Variants in EPHA6 observed in about 807,000 individuals in gnomAD.
The protein encoded by EPHA6 is EPH receptor A6, also known as ephrin type-A receptor 6.
EPHA6 carries 50 observed loss-of-function variants against 112.0 expected under a neutral mutation model. The observed-to-expected ratio is 0.45, with a 90% CI of 0.36 to 0.56. The LOEUF is 0.56. EPHA6 is among the 20% of genes least tolerant of loss of function. The probability of loss-of-function intolerance (pLI) is 0.00; values close to 1 mark genes in which losing one functional copy is unlikely to be tolerated. For missense variants in EPHA6, 1,280 were observed against 1,417.4 expected (o/e 0.90, Z 1.56); for synonymous variants, 529 against 490.7 (o/e 1.08, Z -1.03).
At chr3:97,460,101 C>A (rs2090834876) in intron 7 of EPHA6, among the ~76,000 whole-genome samples, 2 of 152,172 alleles carry the variant, frequency 1.3e-5, no homozygotes, top group South Asian at 4.1e-4. Flanking sequence ...ACTGACATGC[C>A]ATGCAAAGGC....
intron 5 of EPHA6, among the ~76,000 whole-genome samples, chr3:97,245,086 A>G (rs1208663842): frequency 6.6e-6 from 1 of 152,100 alleles, no homozygotes; most frequent in Non-Finnish European, 1.5e-5. Flanking sequence ...ATGAACACAT[A>G]TATGAGAAAA....
At chr3:96,857,192 A>G (rs1374229688) in intron 1 of EPHA6, among the ~76,000 whole-genome samples, 1 of 152,180 alleles carries the variant, frequency 6.6e-6, no homozygotes, top group Non-Finnish European at 1.5e-5. Flanking sequence ...CCATTTGCCT[A>G]GATGTTAAAA....
chr3:96,947,014 A>T (rs1576134020), intron 2 of EPHA6, among the ~76,000 whole-genome samples: 2 of 148,936 alleles, frequency 1.3e-5, no homozygotes, highest in Non-Finnish European at 1.5e-5. Context: ...CCACTTTTTG[A>T]TGGGGCTGTT....
rs576853362 is a variant in EPHA6, at chr3:96,848,918, A to C, written c.386-17907A>C. ...AAAACATCGAGGTTCAGTCATACAA[A>C]ATTACAGTCATAGATGTAATTTGGC... On this transcript the variant is annotated intron_variant, in intron 1 of 17. Coordinates refer to ENST00000389672, the MANE Select transcript of EPHA6 (RefSeq NM_001080448.3). Among the ~76,000 whole-genome samples, 3 of 152,260 alleles carry C rather than the reference A, an allele frequency of 2.0e-5. No individual in the cohort carries two copies. The South Asian group carries it at 6.2e-4, about 32-fold the overall frequency.
At chr3:97,180,959 G>A (rs555390122) in intron 3 of EPHA6, among the ~76,000 whole-genome samples, 6 of 152,016 alleles carry the variant, frequency 3.9e-5, no homozygotes, top group South Asian at 4.2e-4. Flanking sequence ...GTTGTAGTCC[G>A]TATGGCTTAG....
intron 1 of EPHA6, among the ~76,000 whole-genome samples, chr3:96,831,381 G>A (rs1158893816): frequency 6.6e-6 from 1 of 151,984 alleles, no homozygotes; most frequent in African/African-American, 2.4e-5. Context: ...GGCTACTTTT[G>A]ATTTTCTTCC....
Position 97,750,296 on chromosome 3 carries a change from TG to T in EPHA6, c.*1597del, listed in dbSNP as rs1016494322. ...CTAAATTCATTTTTTGTCATAGTAG[TG>T]GTTTTTTTTTTTTAAATAAAGGACC... On this transcript the variant is annotated 3_prime_UTR_variant, in exon 18 of 18. Coordinates refer to ENST00000389672, the MANE Select transcript of EPHA6 (RefSeq NM_001080448.3). 2.4e-4 allele frequency among the ~76,000 whole-genome samples: 34 copies of T among 139,992 alleles called. No individual in the cohort carries two copies. Among genetic ancestry groups the T allele is most frequent in the African/African-American group, 7.6e-4 (30 of 39,560 alleles). 91.8% of individuals were successfully genotyped at this position (139,992 alleles called of 152,430 possible).
chr3:97,058,527 C>T (rs1207761735), intron 3 of EPHA6, among the ~76,000 whole-genome samples: 1 of 152,130 alleles, frequency 6.6e-6, no homozygotes, highest in African/African-American at 2.4e-5. Flanking sequence ...GTCTTCAACT[C>T]CTGACCTCAG....
At chr3:97,466,292 A>G in intron 7 of EPHA6, 1 of 1,397,734 alleles carries the variant, frequency 7.2e-7, no homozygotes, top group Non-Finnish European at 1.0e-6. Context: ...ATTCCCCTCA[A>G]GCAACATAAT....
At chr3:96,832,017 G>A (rs951707551) in intron 1 of EPHA6, among the ~76,000 whole-genome samples, 4 of 151,966 alleles carry the variant, frequency 2.6e-5, no homozygotes, top group Admixed American at 2.0e-4. Context: ...TCAAGCCCCT[G>A]CATCATAGAA....
At chr3:97,680,975 T>G (rs1473364380) in intron 14 of EPHA6, among the ~76,000 whole-genome samples, 3 of 152,024 alleles carry the variant, frequency 2.0e-5, no homozygotes, top group African/African-American at 4.8e-5. Context: ...TATACAAAAT[T>G]AACATCAGGG....
At chr3:97,741,765 G>T (rs191202999) in intron 16 of EPHA6, among the ~76,000 whole-genome samples, 1 of 152,182 alleles carries the variant, frequency 6.6e-6, no homozygotes, top group Admixed American at 6.5e-5. Context: ...TCTAAGAAAA[G>T]GGGGTACATT....
intron 12 of EPHA6, among the ~76,000 whole-genome samples, chr3:97,599,284 G>C (rs972126091): frequency 1.1e-4 from 16 of 150,520 alleles, no homozygotes; most frequent in African/African-American, 3.9e-4. Context: ...GATCCCATTT[G>C]TCAATTTTGT....
chr3:97,135,360 A>G (rs780337806), intron 3 of EPHA6, among the ~76,000 whole-genome samples: 2 of 152,150 alleles, frequency 1.3e-5, no homozygotes, highest in Admixed American at 6.6e-5. Context: ...TTGTATTTAA[A>G]CATAGCTCCT....
At chr3:97,740,824 G>A (rs2035471771) in intron 16 of EPHA6, among the ~76,000 whole-genome samples, 3 of 151,892 alleles carry the variant, frequency 2.0e-5, no homozygotes, top group South Asian at 2.1e-4. Flanking sequence ...ATGCCACATA[G>A]GCAATACATA....
At chr3:97,176,651 T>C (rs2076843270) in intron 3 of EPHA6, among the ~76,000 whole-genome samples, 3 of 151,950 alleles carry the variant, frequency 2.0e-5, no homozygotes, top group Admixed American at 6.6e-5. Context: ...AATTTGTTCA[T>C]TTCTTCCAGG....
intron 11 of EPHA6, among the ~76,000 whole-genome samples, chr3:97,574,764 T>C (rs2093366934): frequency 6.6e-6 from 1 of 151,822 alleles, no homozygotes; most frequent in Non-Finnish European, 1.5e-5. Context: ...TTAATGAAAA[T>C]AAGAAAATAT....
intron 3 of EPHA6, among the ~76,000 whole-genome samples, chr3:97,120,628 A>T (rs2048015853): frequency 1.3e-5 from 2 of 152,036 alleles, no homozygotes; most frequent in Admixed American, 1.3e-4. Flanking sequence ...ATATGTTTTT[A>T]AAAATTCCTA....
intron 3 of EPHA6, among the ~76,000 whole-genome samples, chr3:96,996,398 C>T (rs1167906407): frequency 3.3e-5 from 5 of 152,030 alleles, no homozygotes; most frequent in Non-Finnish European, 4.4e-5. Context: ...GAGTTCTTGG[C>T]AGAGTATTTT....
Sources: allele counts gnomAD v4.1 joint callset (sites outside exome capture counted in the v4.1 genomes callset), GRCh38; gene constraint gnomAD v4.1.1; transcripts MANE v1.5; gene names NCBI Gene and HGNC (gene_info 2026-07-23, HGNC 2026-07-21).